The following DAB1 variants were observed in gnomAD, a reference collection of about 807,000 sequenced individuals.
The protein encoded by DAB1 is DAB adaptor protein 1.
In DAB1, 15 loss-of-function variants were observed where a neutral mutation model predicts 64.6. That is an observed-to-expected ratio of 0.23 (90% confidence interval 0.16 to 0.36). DAB1 has a LOEUF of 0.36. DAB1 is among the 10% of genes least tolerant of loss of function. The pLI is 1.00. For missense variants in DAB1, 596 were observed against 706.7 expected, an observed-to-expected ratio of 0.84 and a Z score of 1.78; for synonymous variants, 235 against 251.9, an observed-to-expected ratio of 0.93 and a Z score of 0.64.
At chr1:58,384,544 G>A (rs1291511101) in intron 3 of DAB1, among the ~76,000 whole-genome samples, 1 of 152,156 alleles carries the variant, frequency 6.6e-6, no homozygotes, top group Non-Finnish European at 1.5e-5. Flanking sequence ...GGACTAATAG[G>A]GTAGATGTAT....
At chr1:57,820,507 C>T (rs755377243) in intron 6 of DAB1, among the ~76,000 whole-genome samples, 1 of 152,184 alleles carries the variant, frequency 6.6e-6, no homozygotes, top group Non-Finnish European at 1.5e-5. Flanking sequence ...GAAGTCCCAT[C>T]ATGCTGGTGC....
chr1:57,035,725 A>T (rs572855648), intron 9 of DAB1, among the ~76,000 whole-genome samples: 2 of 149,822 alleles, frequency 1.3e-5, no homozygotes, highest in Non-Finnish European at 3.0e-5. Flanking sequence ...TTTAATTGAG[A>T]TGTGTGTGCA....
Position 57,586,379 on chromosome 1 carries a change from G to A in DAB1, n.625+63213C>T, listed in dbSNP as rs537008798. Reference sequence around the variant, plus strand: ...CAGCTCTGCAATGTCTTTGTTTATTGGTCTGTCTCCTCCACTGTTCTGGAC... The same window carrying A: ...CAGCTCTGCAATGTCTTTGTTTATTAGTCTGTCTCCTCCACTGTTCTGGAC... On this transcript the variant is annotated intron_variant and non_coding_transcript_variant, in intron 7 of 20. Coordinates refer to the DAB1 transcript ENST00000485760. Among the ~76,000 whole-genome samples the A allele has an allele frequency of 3.3e-5, 5 of 152,170 alleles. No homozygotes were observed. In the East Asian group the frequency reaches 7.7e-4, roughly 24 times the overall value.
intron 1 of DAB1, among the ~76,000 whole-genome samples, chr1:57,312,223 G>A (rs752955342): frequency 1.1e-4 from 17 of 152,198 alleles, no homozygotes; most frequent in Non-Finnish European, 1.9e-4. Flanking sequence ...AACTAGATGA[G>A]AGTTTAGAAA....
At chr1:58,306,371 C>T (rs74596042) in intron 4 of DAB1, among the ~76,000 whole-genome samples, 3,180 of 152,224 alleles carry the variant, frequency 0.021, 110 homozygotes, top group African/African-American at 0.069. Flanking sequence ...TGACATTTAA[C>T]AGTATGTTAA....
At chr1:58,220,429 T>C (rs991363743) in intron 4 of DAB1, among the ~76,000 whole-genome samples, 3 of 152,222 alleles carry the variant, frequency 2.0e-5, no homozygotes, top group Admixed American at 6.5e-5. Flanking sequence ...CATTTTCTTC[T>C]AGCCACGAGA....
intron 4 of DAB1, among the ~76,000 whole-genome samples, chr1:57,112,436 T>G (rs1001715586): frequency 1.2e-4 from 19 of 152,144 alleles, no homozygotes; most frequent in Admixed American, 6.6e-4. Flanking sequence ...ATTCCTGACC[T>G]AGCGGGCCCT....
intron 4 of DAB1, among the ~76,000 whole-genome samples, chr1:58,239,106 C>T (rs534672022): frequency 6.6e-6 from 1 of 152,306 alleles, no homozygotes; most frequent in South Asian, 2.1e-4. Flanking sequence ...GGTTACCCAA[C>T]ACCCCTTAAT....
chr1:57,795,721 ATATATATATATATC>A (rs1271527387), intron 6 of DAB1, among the ~76,000 whole-genome samples: 1 of 132,718 alleles, frequency 7.5e-6, no homozygotes, highest in Non-Finnish European at 1.6e-5. Context: ...ATATATATAT[ATATATATATATATC>A]ATACACATGT....
intron 1 of DAB1, among the ~76,000 whole-genome samples, chr1:57,354,341 C>T (rs1678885440): frequency 6.6e-6 from 1 of 152,232 alleles, no homozygotes; most frequent in Non-Finnish European, 1.5e-5. Context: ...AATCCTAATC[C>T]TTTTGGACCT....
intron 2 of DAB1, among the ~76,000 whole-genome samples, chr1:57,148,536 G>A (rs1659365347): frequency 6.6e-6 from 1 of 152,206 alleles, no homozygotes; most frequent in Non-Finnish European, 1.5e-5. Context: ...ATATAAAGGT[G>A]TTGGGAATAG....
chr1:57,406,546 T>A (rs1683655086), intron 1 of DAB1, among the ~76,000 whole-genome samples: 1 of 152,198 alleles, frequency 6.6e-6, no homozygotes, highest in South Asian at 2.1e-4. Context: ...CACAAGGCCC[T>A]TTCACATAAA....
intron 3 of DAB1, among the ~76,000 whole-genome samples, chr1:58,373,876 T>C (rs1438395505): frequency 6.6e-6 from 1 of 150,656 alleles, no homozygotes; most frequent in Non-Finnish European, 1.5e-5. Flanking sequence ...CCATTCTAAC[T>C]GGTGTGAGAT....
intron 7 of DAB1, among the ~76,000 whole-genome samples, chr1:57,516,287 A>G (rs1644462579): frequency 6.6e-6 from 1 of 152,260 alleles, no homozygotes; most frequent in African/African-American, 2.4e-5. Context: ...GTACATACTA[A>G]TGTACACATT....
chr1:57,117,817 T>C (rs2100742777), intron 4 of DAB1, among the ~76,000 whole-genome samples: 1 of 151,778 alleles, frequency 6.6e-6, no homozygotes, highest in Non-Finnish European at 1.5e-5. Context: ...AATGTTGAAG[T>C]CCACTTCCCT....
intron 4 of DAB1, among the ~76,000 whole-genome samples, chr1:58,313,860 A>T (rs369535562): frequency 0.012 from 1,173 of 95,138 alleles, 17 homozygotes; most frequent in African/African-American, 0.051. Context: ...TGTGTGTGAG[A>T]GAGAGAGAGA....
rs114624885 is a variant in DAB1, at chr1:58,156,272, C to T, written n.310-5684G>A. On this transcript the variant is annotated intron_variant and non_coding_transcript_variant, in intron 4 of 20. Transcript: ENST00000485760. ...GAAGTGATTGGGTCCTAAGCAGTGC[C>T]TTAAGTGGAGAAGTGAAACCAGATG... is the stretch of plus-strand genomic sequence containing the variant. Among the ~76,000 whole-genome samples, 225 of 152,270 alleles carry T rather than the reference C, an allele frequency of 1.5e-3. 1 individual carries two copies. The highest frequency in any genetic ancestry group is 5.2e-3 in the African/African-American group (215 of 41,556).
At chr1:57,855,537 G>A (rs187059019) in intron 1 of DAB1, among the ~76,000 whole-genome samples, 84 of 152,208 alleles carry the variant, frequency 5.5e-4, no homozygotes, top group Admixed American at 1.0e-3. Flanking sequence ...TTAGAAAAGC[G>A]GTCTTTGATA....
At chr1:57,478,197 C>G (rs1342777000) in intron 7 of DAB1, among the ~76,000 whole-genome samples, 2 of 152,106 alleles carry the variant, frequency 1.3e-5, no homozygotes, top group East Asian at 3.9e-4. Context: ...AGTAAATGCG[C>G]TAACTGTAAG....
Sources: allele counts gnomAD v4.1 joint callset (sites outside exome capture counted in the v4.1 genomes callset), GRCh38; gene constraint gnomAD v4.1.1; transcripts MANE v1.5; gene names NCBI Gene and HGNC (gene_info 2026-07-23, HGNC 2026-07-21).